The following VTA1 variants were observed in gnomAD, a reference collection of about 807,000 sequenced individuals.
VTA1 encodes the protein vacuolar protein sorting-associated protein VTA1 homolog.
A neutral mutation model predicts 36.9 loss-of-function variants in VTA1; 24 were observed. That is an observed-to-expected ratio of 0.65 (90% CI 0.47 to 0.91). VTA1 has a LOEUF of 0.91. VTA1 is among the 40% of genes least tolerant of loss of function. The pLI is 0.00. For synonymous variants in VTA1, 142 were observed against 130.2 expected (o/e 1.09, Z -0.62); for missense variants, 393 against 377.2 (o/e 1.04, Z -0.35).
intron 4 of VTA1, among the ~76,000 whole-genome samples, chr6:142,171,242 A>T (rs1171665476): frequency 6.6e-6 from 1 of 151,878 alleles, no homozygotes; most frequent in Non-Finnish European, 1.5e-5. Flanking sequence ...TTACAGGCGG[A>T]TGCCACGACA....
chr6:142,164,992 C>T (rs752209590), intron 1 of VTA1, among the ~76,000 whole-genome samples: 7 of 152,258 alleles, frequency 4.6e-5, no homozygotes, highest in Non-Finnish European at 7.4e-5. Flanking sequence ...GGTGGGGGAA[C>T]GTTATATCTC....
intron 4 of VTA1, among the ~76,000 whole-genome samples, chr6:142,176,688 A>G (rs1775133077): frequency 6.6e-6 from 1 of 152,148 alleles, no homozygotes; most frequent in South Asian, 2.1e-4. Context: ...AAAAGAGAAA[A>G]TTTAAAAAGG....
chr6:142,158,917 T>A (rs1774713598), intron 1 of VTA1, among the ~76,000 whole-genome samples: 1 of 152,202 alleles, frequency 6.6e-6, no homozygotes, highest in Non-Finnish European at 1.5e-5. Flanking sequence ...TTGCCTATAG[T>A]TGTCATACGT....
intron 4 of VTA1, among the ~76,000 whole-genome samples, chr6:142,185,192 G>A (rs11964444): frequency 0.013 from 1,986 of 152,038 alleles, 40 homozygotes; most frequent in African/African-American, 0.045. Context: ...ATAGGAAACA[G>A]GTTTAATACT....
Position 142,147,271 on chromosome 6 carries a change from G to GT in VTA1, c.-16dup. On this transcript the variant is annotated 5_prime_UTR_variant, in exon 1 of 8. Coordinates refer to ENST00000367630, the MANE Select transcript of VTA1 (RefSeq NM_016485.5). ...GCCGGTGGAGCGCGAGTAGGAAGTG[G>GT]TGAGTTCGGAGTAGAGATGGCCGCG... The GT allele has an allele frequency of 6.2e-7, 1 of 1,613,916 alleles. No individual in the cohort carries two copies. The highest frequency in any genetic ancestry group is 8.5e-7 in the Non-Finnish European group (1 of 1,179,862).
chr6:142,206,398 A>G (rs574420230), intron 7 of VTA1, among the ~76,000 whole-genome samples: 1 of 152,352 alleles, frequency 6.6e-6, no homozygotes, highest in East Asian at 1.9e-4. Context: ...ATGTAACAAA[A>G]TACATTACAA....
chr6:142,184,863 A>G (rs1775310233), intron 4 of VTA1, among the ~76,000 whole-genome samples: 1 of 152,244 alleles, frequency 6.6e-6, no homozygotes, highest in Admixed American at 6.5e-5. Flanking sequence ...AGTAGAGGAA[A>G]ATGTGTGGAA....
At chr6:142,183,329 GGA>G in intron 4 of VTA1, among the ~76,000 whole-genome samples, 1 of 152,176 alleles carries the variant, frequency 6.6e-6, no homozygotes, top group Non-Finnish European at 1.5e-5. Context: ...GTATGCTAAT[GGA>G]GAATAATTTA....
chr6:142,203,938 A>G lies in VTA1; in HGVS notation c.698-47A>G, dbSNP rs771608978. The G allele has an allele frequency of 1.0e-5, 15 of 1,500,680 alleles. No homozygotes were observed. In the South Asian group the frequency reaches 1.7e-4, roughly 17 times the overall value. 93.0% of individuals were successfully genotyped at this position (1,500,680 alleles called of 1,614,324 possible). ...TTAAGTGCTGCCCTGCTGTATAATTAAAAGGTGTAATACTTCTATGCCCAT... is the reference window on the plus strand; with the variant it reads ...TTAAGTGCTGCCCTGCTGTATAATTGAAAGGTGTAATACTTCTATGCCCAT... On this transcript the variant is annotated intron_variant, in intron 6 of 7. Coordinates refer to ENST00000367630, the MANE Select transcript of VTA1 (RefSeq NM_016485.5).
intron 7 of VTA1, among the ~76,000 whole-genome samples, chr6:142,216,544 C>A (rs1215767101): frequency 6.6e-6 from 1 of 151,986 alleles, no homozygotes; most frequent in East Asian, 1.9e-4. Flanking sequence ...ATATGAGTTA[C>A]ATAATTGGTT....
intron 7 of VTA1, among the ~76,000 whole-genome samples, chr6:142,212,031 G>A (rs528756872): frequency 6.6e-5 from 10 of 152,298 alleles, no homozygotes; most frequent in Non-Finnish European, 2.9e-5. Flanking sequence ...TGCTGGTGAC[G>A]ATGTGGAACC....
intron 7 of VTA1, among the ~76,000 whole-genome samples, chr6:142,207,040 C>T (rs1454313251): frequency 6.6e-6 from 1 of 152,068 alleles, no homozygotes; most frequent in Non-Finnish European, 1.5e-5. Flanking sequence ...TCCCCACCAA[C>T]AGAAAACGAA....
At chr6:142,170,566 G>T in intron 4 of VTA1, 145 bp downstream of exon 4, 2 of 510,322 alleles carry the variant, frequency 3.9e-6, no homozygotes, top group Non-Finnish European at 3.3e-6. Flanking sequence ...TTTTTTATTA[G>T]CCATTTTTAA....
At position 142,223,983 on chromosome 6, in the gene VTA1, G is replaced by A. The variant is rs537535178; in HGVS notation, c.*5340G>A. 8 of 152,208 alleles carry A rather than the reference G, an allele frequency of 5.3e-5. No homozygotes were observed. The East Asian group carries it at 1.6e-3, about 30-fold the overall frequency. 9.4% of individuals were successfully genotyped at this position (152,208 alleles called of 1,614,324 possible). A position where few individuals can be genotyped will look rare whatever the true frequency, so the allele number is the denominator to read the frequency against. On this transcript the variant is annotated 3_prime_UTR_variant, in exon 8 of 8. Transcript: ENST00000367630. ...TAAATGTATTATGGCTGGGGCGGGG[G>A]GCTAGGGAATGTGTTATGACTAAAT... is the stretch of plus-strand genomic sequence containing the variant.
intron 7 of VTA1, among the ~76,000 whole-genome samples, chr6:142,214,436 A>G (rs930156119): frequency 2.0e-5 from 3 of 152,098 alleles, no homozygotes; most frequent in Non-Finnish European, 4.4e-5. Context: ...AGGAGAGTGA[A>G]GGGGGAAGTG....
intron 4 of VTA1, among the ~76,000 whole-genome samples, chr6:142,179,862 T>C (rs936113687): frequency 6.6e-6 from 1 of 152,196 alleles, no homozygotes; most frequent in Non-Finnish European, 1.5e-5. Flanking sequence ...GCTTATTCTA[T>C]ATTCTAAGAG....
chr6:142,194,974 C>T (rs1210090952), intron 5 of VTA1, among the ~76,000 whole-genome samples: 1 of 152,022 alleles, frequency 6.6e-6, no homozygotes, highest in Non-Finnish European at 1.5e-5. Context: ...ACCAACCCTG[C>T]ACTCATTGGT....
At chr6:142,195,362 G>A (rs897703011) in intron 5 of VTA1, among the ~76,000 whole-genome samples, 5 of 151,910 alleles carry the variant, frequency 3.3e-5, no homozygotes, top group Non-Finnish European at 7.4e-5. Flanking sequence ...CCATTTATTG[G>A]CGTAATATTT....
chr6:142,204,147 T>A, intron 7 of VTA1, 82 bp downstream of exon 7: 2 of 1,191,498 alleles, frequency 1.7e-6, no homozygotes, highest in Non-Finnish European at 2.5e-6. Flanking sequence ...GACAGTACCA[T>A]ATATTTAAAT....
Sources: gnomAD v4.1 joint callset for allele counts (sites outside exome capture counted in the v4.1 genomes callset) on GRCh38, gnomAD v4.1.1 for gene constraint, MANE v1.5 for transcripts, NCBI Gene and HGNC (gene_info 2026-07-23, HGNC 2026-07-21) for gene names.